The following ITGAE variants were observed in gnomAD, a reference collection of about 807,000 sequenced individuals.
ITGAE encodes the protein integrin subunit alpha E.
Under a neutral mutation model 136.5 loss-of-function variants are expected in ITGAE, and 99 were observed. That is an observed-to-expected ratio of 0.73 (90% CI 0.62 to 0.86). ITGAE has a LOEUF of 0.86. ITGAE is among the 40% of genes least tolerant of loss of function. ITGAE has a pLI of 0.00. For synonymous variants in ITGAE, 613 were observed against 591.8 expected (o/e 1.04, Z -0.52); for missense variants, 1,447 against 1,515.3 (o/e 0.95, Z 0.75).
In ITGAE at chr17:3,789,540, AC is replaced by A. The variant is rs1567560234; in HGVS notation, c.34+11570del. Among the ~76,000 whole-genome samples the A allele has an allele frequency of 3.0e-5, 4 of 131,358 alleles. No homozygotes were observed. The East Asian group carries it at 6.9e-4, about 23-fold the overall frequency. 86.2% of individuals were successfully genotyped at this position (131,358 alleles called of 152,430 possible). A position where few individuals can be genotyped will look rare whatever the true frequency, so the allele number is the denominator to read the frequency against. On this transcript the variant is annotated intron_variant, in intron 1 of 30. Coordinates refer to ENST00000263087, the MANE Select transcript of ITGAE (RefSeq NM_002208.5). ...TTTTGAGATGGAGTCTCGCTCTGTC[AC>A]CCAGGCTGGAGTGCAGTGGTGCAAT...
In ITGAE at chr17:3,796,022, CGT is replaced by C. The variant is rs760920203; in HGVS notation, c.34+5087_34+5088del. Among the ~76,000 whole-genome samples the C allele has an allele frequency of 3.0e-3, 266 of 88,970 alleles. 4 individuals are homozygous for C. Among genetic ancestry groups the C allele is most frequent in the African/African-American group, 5.2e-3 (109 of 20,772 alleles). The allele number at this position is 88,970 out of a possible 152,430, so 58.4% of individuals were successfully genotyped here. On this transcript the variant is annotated intron_variant, in intron 1 of 30. Transcript: ENST00000263087. ...GCATCCGTGTGTGCATCCATGTGCG[CGT>C]GTGTGCGTGTGCATCCGTGTGTGCA... is the stretch of plus-strand genomic sequence containing the variant.
chr17:3,734,255 A>G (rs2051412721), intron 21 of ITGAE, among the ~76,000 whole-genome samples: 1 of 151,920 alleles, frequency 6.6e-6, no homozygotes, highest in Non-Finnish European at 1.5e-5. Flanking sequence ...TTGTATTTTT[A>G]GTAGAGACGG....
At position 3,751,720 on chromosome 17, in the gene ITGAE, T is replaced by C. The variant is rs560007444; in HGVS notation, c.1823A>G (p.Asp608Gly). The part of the protein sequence containing the change: ...GAPLEGFGAD[D>G]GASFGSVYIY... ...ATACACACTGCCGAAGCTGGCACCA[T>C]CATCTGCCCCAAAACCTTCCAGGGG... Residue 608 changes from aspartate to glycine, a missense_variant, in exon 15 of 31, where the codon GAT (aspartate) becomes GGT (glycine). Physicochemically the swap from Asp to Gly is moderately conservative, Grantham distance 94. Coordinates refer to ENST00000263087, the MANE Select transcript of ITGAE (RefSeq NM_002208.5). 2 of 1,614,002 alleles carry C rather than the reference T, an allele frequency of 1.2e-6. No individual in the cohort carries two copies. The highest frequency in any genetic ancestry group is 2.2e-5 in the South Asian group (2 of 91,082).
Position 3,762,660 on chromosome 17 carries a change from C to T in ITGAE, c.248-678G>A, listed in dbSNP as rs1005940219. On this transcript the variant is annotated intron_variant, in intron 3 of 30. Coordinates refer to ENST00000263087, the MANE Select transcript of ITGAE (RefSeq NM_002208.5). The stretch of plus-strand genomic sequence containing the variant: ...TCGCCCAGGCTGGAGTGCAGTGGCG[C>T]AATCTCGGCTCACTGCAAGCTCCGC... Among the ~76,000 whole-genome samples, 7 of 144,710 alleles carry T rather than the reference C, an allele frequency of 4.8e-5. No homozygotes were observed. The South Asian group carries it at 1.5e-3, about 32-fold the overall frequency. 94.9% of individuals were successfully genotyped at this position (144,710 alleles called of 152,430 possible).
At chr17:3,720,567 AGTTATTCTTCAAC>A in intron 28 of ITGAE, 165 bp from the exon 29 acceptor site, 1 of 476,284 alleles carries the variant, frequency 2.1e-6, no homozygotes, top group Non-Finnish European at 3.7e-6. Flanking sequence ...AGACATCTGC[AGTTATTCTTCAAC>A]TTCCTTTTTT....
In ITGAE at chr17:3,793,443, A is replaced by C. The variant is rs191949050; in HGVS notation, c.34+7668T>G. 2.1e-3 allele frequency among the ~76,000 whole-genome samples: 326 copies of C among 152,188 alleles called. 1 individual carries two copies. The highest frequency in any genetic ancestry group is 7.4e-3 in the African/African-American group (308 of 41,564). On this transcript the variant is annotated intron_variant, in intron 1 of 30. Transcript: ENST00000263087. ...GGCTCACCGCAACCCCCACCTCCTC[A>C]GTTCAAGTGATTCTCCTGTCTCACG...
intron 26 of ITGAE, chr17:3,724,122 C>G: frequency 6.3e-7 from 1 of 1,594,754 alleles, no homozygotes; most frequent in East Asian, 2.2e-5. Flanking sequence ...GTCCGACGAT[C>G]CTGACGATCC....
At chr17:3,785,417 C>T (rs113676154) in intron 1 of ITGAE, among the ~76,000 whole-genome samples, 4 of 150,836 alleles carry the variant, frequency 2.7e-5, no homozygotes, top group Middle Eastern at 3.4e-3. Flanking sequence ...TGCAGTGAGC[C>T]GAGATCGTGC....
In ITGAE at chr17:3,798,157, G is replaced by A. The variant is rs1479414699; in HGVS notation, c.34+2954C>T. On this transcript the variant is annotated intron_variant, in intron 1 of 30. Coordinates refer to ENST00000263087, the MANE Select transcript of ITGAE (RefSeq NM_002208.5). The surrounding 1 kb of genome is among the most constrained non-coding windows in gnomAD (Gnocchi z 4.3). ...CCCAGCCAGCTCTCCCCCACACACT[G>A]CATTCCGGGGGCATTTCACCTTTGC... Among the ~76,000 whole-genome samples the A allele has an allele frequency of 1.3e-5, 2 of 152,190 alleles. No homozygotes were observed. The highest frequency in any genetic ancestry group is 3.8e-4 in the East Asian group (2 of 5,196).
chr17:3,768,171 T>C (rs1042279748), intron 2 of ITGAE, among the ~76,000 whole-genome samples: 2 of 151,388 alleles, frequency 1.3e-5, no homozygotes, highest in African/African-American at 4.9e-5. Context: ...GTCACCTAAG[T>C]TGAAGTACAG....
rs1456738699 is a variant in ITGAE, at chr17:3,733,377, T to G, written c.2656-911A>C. ...AATCTACAGTCCAACAAATTCAAAT[T>G]TATTGACTCACTGCAATGAGGAAAA... is the stretch of plus-strand genomic sequence containing the variant. On this transcript the variant is annotated intron_variant, in intron 21 of 30. Transcript: ENST00000263087. 2.6e-5 allele frequency among the ~76,000 whole-genome samples: 4 copies of G among 152,174 alleles called. No homozygotes were observed. The East Asian group carries it at 7.7e-4, about 29-fold the overall frequency.
At chr17:3,765,922 A>G (rs545334619) in intron 2 of ITGAE, among the ~76,000 whole-genome samples, 108 of 152,304 alleles carry the variant, frequency 7.1e-4, no homozygotes, top group African/African-American at 2.4e-3. Flanking sequence ...TCCATCTGCT[A>G]TCGTAGGCAG....
intron 1 of ITGAE, among the ~76,000 whole-genome samples, chr17:3,790,273 G>A (rs966287550): frequency 1.3e-5 from 2 of 152,134 alleles, no homozygotes; most frequent in Admixed American, 6.6e-5. Context: ...TTGGGAGGCC[G>A]ACATGGGTGG....
chr17:3,720,441 T>C (rs758373820), intron 28 of ITGAE, 39 bp from the exon 29 acceptor site: 1 of 929,588 alleles, frequency 1.1e-6, no homozygotes, highest in African/African-American at 1.6e-5. Flanking sequence ...ACAAAACATA[T>C]TTTAGACATG....
rs1030751046 is a variant in ITGAE at position 3,761,812 on chromosome 17, C to T, written c.315+103G>A. 1.6e-5 allele frequency: 17 copies of T among 1,034,150 alleles called. 1 individual carries two copies. The highest frequency in any genetic ancestry group is 8.7e-5 in the South Asian group (6 of 68,742). The allele number at this position is 1,034,150 out of a possible 1,614,324, so 64.1% of individuals were successfully genotyped here. A position where few individuals can be genotyped will look rare whatever the true frequency, so the allele number is the denominator to read the frequency against. ...ACCAGGGAGACGCTAGACTCAGCCTCGGGAACAGCATGGCAGTCAGAACTG... is the reference window on the plus strand; with the variant it reads ...ACCAGGGAGACGCTAGACTCAGCCTTGGGAACAGCATGGCAGTCAGAACTG... On this transcript the variant is annotated intron_variant, in intron 4 of 30. Coordinates refer to ENST00000263087, the MANE Select transcript of ITGAE (RefSeq NM_002208.5).
intron 2 of ITGAE, among the ~76,000 whole-genome samples, chr17:3,768,559 G>A (rs2052351198): frequency 6.6e-5 from 10 of 152,168 alleles, no homozygotes; most frequent in African/African-American, 2.4e-5. Flanking sequence ...TTCCCTCCAC[G>A]GCACTGTTCC....
chr17:3,769,599 G>A (rs1356403410), intron 2 of ITGAE, among the ~76,000 whole-genome samples: 1 of 152,240 alleles, frequency 6.6e-6, no homozygotes, highest in African/African-American at 2.4e-5. Context: ...CGCAGCCACA[G>A]GGGCCCTGTT....
rs1211942634 is a variant in ITGAE, at chr17:3,731,184, C to T, written c.2755-1G>A. On this transcript the variant is annotated splice_acceptor_variant, in intron 22 of 30. Transcript: ENST00000263087. LOFTEE classifies it high-confidence loss of function. The stretch of plus-strand genomic sequence containing the variant: ...GCTGCCAAACGACTGAAACATGAGC[C>T]TATTTTAAAGGGGGAAAAATGGTCA... 1 of 1,613,246 alleles carries T rather than the reference C, an allele frequency of 6.2e-7. No individual in the cohort carries two copies. The highest frequency in any genetic ancestry group is 1.7e-5 in the Admixed American group (1 of 59,996).
At chr17:3,775,868 G>A (rs1286842600) in intron 2 of ITGAE, among the ~76,000 whole-genome samples, 1 of 152,010 alleles carries the variant, frequency 6.6e-6, no homozygotes, top group Non-Finnish European at 1.5e-5. Context: ...ACCAGATACG[G>A]CAAAATTGCT....
Sources: gnomAD v4.1 joint callset for allele counts (sites outside exome capture counted in the v4.1 genomes callset) on GRCh38, gnomAD v4.1.1 for gene constraint, Gnocchi (gnomAD v3.1) non-coding constraint, MANE v1.5 for transcripts, NCBI Gene and HGNC (gene_info 2026-07-23, HGNC 2026-07-21) for gene names.